Variants in NOL4 observed in about 807,000 individuals in gnomAD.
NOL4 encodes the protein nucleolar protein 4.
A neutral mutation model predicts 75.9 loss-of-function variants in NOL4; 17 were observed. The ratio of observed to expected loss-of-function variants is 0.22; its 90% CI spans 0.15 to 0.34. The LOEUF is 0.34. Ranked by LOEUF, NOL4 falls within the 10% of genes least tolerant of loss-of-function variation. NOL4 has a pLI of 1.00. For synonymous variants in NOL4, 292 were observed against 289.9 expected, an observed-to-expected ratio of 1.01 and a Z score of -0.07; for missense variants, 614 against 793.5, an observed-to-expected ratio of 0.77 and a Z score of 2.72.
At chr18:34,139,862 G>C (rs918582890) in intron 1 of NOL4, among the ~76,000 whole-genome samples, 5 of 152,172 alleles carry the variant, frequency 3.3e-5, no homozygotes, top group Non-Finnish European at 5.9e-5. Flanking sequence ...GTGTCCCAGA[G>C]ATTCTGGTAT....
In NOL4 at chr18:33,872,369, G is replaced by A. The variant is rs146572507; in HGVS notation, c.1723+10875C>T. On this transcript the variant is annotated intron_variant, in intron 10 of 10. Transcript: ENST00000261592. ...TTCTTCTCAGAACCTTAACATGACC[G>A]GATGTTATTTAAAAGCCAGGCAGTT... Among the ~76,000 whole-genome samples the A allele has an allele frequency of 4.6e-5, 7 of 151,998 alleles. No individual in the cohort carries two copies. The East Asian group carries it at 9.7e-4, about 21-fold the overall frequency.
intron 5 of NOL4, among the ~76,000 whole-genome samples, chr18:34,036,660 A>G (rs537856883): frequency 6.6e-6 from 1 of 152,216 alleles, no homozygotes. Context: ...ACAGTGTCTC[A>G]TGCCTGTAAT....
At chr18:34,068,495 G>A (rs1462905089) in intron 5 of NOL4, among the ~76,000 whole-genome samples, 1 of 152,036 alleles carries the variant, frequency 6.6e-6, no homozygotes, top group Non-Finnish European at 1.5e-5. Flanking sequence ...CAACTCCCTG[G>A]TTCTAGCAAT....
At chr18:33,914,299 G>C (rs2066583240) in intron 9 of NOL4, among the ~76,000 whole-genome samples, 1 of 152,048 alleles carries the variant, frequency 6.6e-6, no homozygotes, top group Admixed American at 6.6e-5. Context: ...AAGACCCTGA[G>C]ACAGGATCAT....
At chr18:34,222,281 T>C in intron 1 of NOL4, 1 of 1,335,822 alleles carries the variant, frequency 7.5e-7, no homozygotes, top group Non-Finnish European at 9.5e-7. Context: ...AAACCCATCT[T>C]TCTTTGTTGT....
At chr18:33,951,006 C>T (rs1201449670) in intron 8 of NOL4, among the ~76,000 whole-genome samples, 1 of 151,820 alleles carries the variant, frequency 6.6e-6, no homozygotes, top group Non-Finnish European at 1.5e-5. Flanking sequence ...TTTTCTTTTC[C>T]AGGGTGAGAC....
chr18:34,008,921 G>A (rs183597725), intron 6 of NOL4, among the ~76,000 whole-genome samples: 1 of 152,106 alleles, frequency 6.6e-6, no homozygotes, highest in Non-Finnish European at 1.5e-5. Flanking sequence ...ATATTCCCAT[G>A]TCACTGCATT....
chr18:34,143,395 T>C (rs184937764), intron 1 of NOL4, among the ~76,000 whole-genome samples: 25 of 152,332 alleles, frequency 1.6e-4, no homozygotes, highest in Admixed American at 6.5e-4. Flanking sequence ...AATACTTTCA[T>C]TGATTTTTGC....
At chr18:34,192,827 T>G (rs1344828995) in intron 1 of NOL4, among the ~76,000 whole-genome samples, 1 of 152,162 alleles carries the variant, frequency 6.6e-6, no homozygotes, top group Non-Finnish European at 1.5e-5. Flanking sequence ...ATTAACGGCA[T>G]TATCATGGGA....
At chr18:34,184,301 T>A (rs2034288129) in intron 1 of NOL4, among the ~76,000 whole-genome samples, 1 of 151,960 alleles carries the variant, frequency 6.6e-6, no homozygotes, top group East Asian at 1.9e-4. Context: ...TTATGTCATG[T>A]AATATAATAT....
intron 5 of NOL4, among the ~76,000 whole-genome samples, chr18:34,024,194 A>AAAAAAAATATATATATAT: frequency 1.4e-5 from 1 of 70,698 alleles, no homozygotes; most frequent in Non-Finnish European, 3.1e-5. Context: ...AAAAAAAAAA[A>AAAAAAAATATATATATAT]ATATATATAT....
intron 10 of NOL4, among the ~76,000 whole-genome samples, chr18:33,871,146 C>T (rs2063680722): frequency 6.6e-6 from 1 of 151,986 alleles, no homozygotes; most frequent in South Asian, 2.1e-4. Context: ...TTAACTTGTG[C>T]CTTGAAATCA....
chr18:34,004,983 A>G (rs2073954361), intron 6 of NOL4, among the ~76,000 whole-genome samples: 1 of 152,026 alleles, frequency 6.6e-6, no homozygotes, highest in Non-Finnish European at 1.5e-5. Context: ...TTCAGGGCTT[A>G]TTTCCTATTT....
chr18:34,067,814 T>A (rs1414464380), intron 5 of NOL4, among the ~76,000 whole-genome samples: 3 of 152,144 alleles, frequency 2.0e-5, no homozygotes, highest in African/African-American at 7.2e-5. Flanking sequence ...TTATTTTTTT[T>A]AATTTTGTGC....
chr18:34,085,658 C>T (rs2145448265), intron 5 of NOL4, among the ~76,000 whole-genome samples: 1 of 152,226 alleles, frequency 6.6e-6, no homozygotes, highest in African/African-American at 2.4e-5. Flanking sequence ...TATTGAAAGG[C>T]AGAATTGTCA....
chr18:34,019,191 G>T, intron 6 of NOL4, 127 bp downstream of exon 6: 1 of 748,514 alleles, frequency 1.3e-6, no homozygotes, highest in Non-Finnish European at 2.1e-6. Context: ...AAGTTTCTTG[G>T]TATCCTCTTA....
At chr18:34,222,477 A>C in intron 1 of NOL4, 1 of 985,102 alleles carries the variant, frequency 1.0e-6, no homozygotes, top group South Asian at 4.7e-5. Flanking sequence ...AAAACCTGAC[A>C]GTGTCCTGGG....
chr18:33,983,588 T>G, intron 6 of NOL4, among the ~76,000 whole-genome samples: 1 of 148,796 alleles, frequency 6.7e-6, no homozygotes, highest in East Asian at 2.1e-4. Context: ...TATATATAAA[T>G]AGGAGGTGCA....
chr18:33,896,419 G>A (rs1443290605), intron 9 of NOL4, among the ~76,000 whole-genome samples: 1 of 151,926 alleles, frequency 6.6e-6, no homozygotes, highest in East Asian at 1.9e-4. Context: ...CATGATACAG[G>A]TACAAAAACA....
Sources: allele counts gnomAD v4.1 joint callset (sites outside exome capture counted in the v4.1 genomes callset), GRCh38; gene constraint gnomAD v4.1.1; transcripts MANE v1.5; gene names NCBI Gene and HGNC (gene_info 2026-07-23, HGNC 2026-07-21).